The following DCAF10 variants were observed in gnomAD, a reference collection of about 807,000 sequenced individuals.
DCAF10 encodes DDB1- and CUL4-associated factor 10.
In DCAF10, 19 loss-of-function variants were observed where a neutral mutation model predicts 51.9. That is an observed-to-expected ratio of 0.37 (90% CI 0.26 to 0.54). The LOEUF (loss-of-function observed/expected upper bound fraction) is 0.54. Ranked by LOEUF, DCAF10 falls within the 20% of genes least tolerant of loss-of-function variation. DCAF10 has a pLI of 0.87. For missense variants in DCAF10, 510 were observed against 730.6 expected, an observed-to-expected ratio of 0.70 and a Z score of 3.48; for synonymous variants, 291 against 297.1, an observed-to-expected ratio of 0.98 and a Z score of 0.21.
chr9:37,844,374 C>G (rs76937554), intron 3 of DCAF10, among the ~76,000 whole-genome samples: 1 of 151,816 alleles, frequency 6.6e-6, no homozygotes, highest in Non-Finnish European at 1.5e-5. Context: ...AATTAGGCCA[C>G]GTGTGGTGGC....
At position 37,864,772 on chromosome 9, in the gene DCAF10, T is replaced by C. The variant is rs1020419070; in HGVS notation, c.*3264T>C. The C allele has an allele frequency of 1.3e-5, 2 of 152,090 alleles. No homozygotes were observed. Among genetic ancestry groups the C allele is most frequent in the Admixed American group, 6.6e-5 (1 of 15,262 alleles). The allele number at this position is 152,090 out of a possible 1,614,324, so 9.4% of individuals were successfully genotyped here. On this transcript the variant is annotated 3_prime_UTR_variant, in exon 7 of 7. Transcript: ENST00000377724. The stretch of plus-strand genomic sequence containing the variant: ...GACCAGCAAGTTACCCAACTCAAAA[T>C]TCAGCCAATGATTCTTTACTATAGA...
intron 1 of DCAF10, among the ~76,000 whole-genome samples, chr9:37,809,273 T>C (rs1379092879): frequency 6.6e-6 from 1 of 151,952 alleles, no homozygotes; most frequent in Non-Finnish European, 1.5e-5. Flanking sequence ...AGGAAAATTA[T>C]AGTCTTTAAT....
chr9:37,854,282 T>A (rs921322604), intron 3 of DCAF10, among the ~76,000 whole-genome samples: 1 of 152,132 alleles, frequency 6.6e-6, no homozygotes, highest in South Asian at 2.1e-4. Context: ...TTTAATTTTT[T>A]AAATTTTTGT....
At chr9:37,830,451 T>A (rs1424028302) in intron 2 of DCAF10, among the ~76,000 whole-genome samples, 2 of 152,186 alleles carry the variant, frequency 1.3e-5, no homozygotes, top group Admixed American at 6.6e-5. Context: ...TATAAAGTGT[T>A]TATGGTTACA....
At position 37,861,250 on chromosome 9, in the gene DCAF10, C is replaced by T. The variant is rs1298918621; in HGVS notation, c.1422C>T (p.Tyr474=). 1 of 1,614,172 alleles carries T rather than the reference C, an allele frequency of 6.2e-7. No individual in the cohort carries two copies. Among genetic ancestry groups the T allele is most frequent in the Admixed American group, 1.7e-5 (1 of 60,024 alleles). ...AAGAAGCCAATGTAGGCAGGGGTTA[C>T]ATCAAAGAACTTTGCTTCAGCCCCG... ...YIEEANVGRG[Y]IKELCFSPDG... is the part of the protein sequence containing the mutation. Residue 474 remains tyrosine, a synonymous_variant, in exon 7 of 7, where the codon TAC becomes TAT. Transcript: ENST00000377724. This position sits in a 1 kb window ranked among gnomAD's most constrained non-coding sequence, Gnocchi z 4.9.
At position 37,801,175 on chromosome 9, in the gene DCAF10, G is replaced by T. The variant is rs929405295; in HGVS notation, c.309G>T (p.Arg103Ser). The change falls in exon 1 of 7, where the codon AGG (arginine) becomes AGT (serine). Residue 103 changes from arginine (R) to serine (S), a missense_variant. Coordinates refer to ENST00000377724, the MANE Select transcript of DCAF10 (RefSeq NM_024345.5). The surrounding 1 kb of genome is among the most constrained non-coding windows in gnomAD (Gnocchi z 5.5). ...PPCRRPGPDCRAKSRGRHGLG... is the reference protein window; with the variant it reads ...PPCRRPGPDCSAKSRGRHGLG... ...GCCGGCGGCCCGGGCCAGACTGCAG[G>T]GCCAAGAGCCGGGGCCGACACGGCC... 12 of 1,540,318 alleles carry T rather than the reference G, an allele frequency of 7.8e-6. No individual in the cohort carries two copies. Among genetic ancestry groups the T allele is most frequent in the Non-Finnish European group, 9.6e-6 (11 of 1,145,198 alleles).
intron 1 of DCAF10, among the ~76,000 whole-genome samples, chr9:37,803,530 A>T (rs1050806127): frequency 6.6e-6 from 1 of 151,704 alleles, no homozygotes; most frequent in Non-Finnish European, 1.5e-5. Flanking sequence ...CTATATTCTG[A>T]TTCCTACATT....
chr9:37,861,221 A>C lies in DCAF10; in HGVS notation c.1393A>C (p.Ile465Leu). The C allele has an allele frequency of 6.2e-7, 1 of 1,614,074 alleles. No homozygotes were observed. Among genetic ancestry groups the C allele is most frequent in the East Asian group, 2.2e-5 (1 of 44,880 alleles). The change falls in exon 7 of 7, where the codon ATT becomes CTT. Residue 465 changes from isoleucine (I) to leucine (L), a missense_variant. Ile to Leu is a conservative substitution (Grantham distance 5). Transcript: ENST00000377724. This position sits in a 1 kb window ranked among gnomAD's most constrained non-coding sequence, Gnocchi z 4.9. ...CTGTTCTCTACGACTGACTCATTAC[A>C]TTGAAGAAGCCAATGTAGGCAGGGG... ...PRCSLRLTHY[I>L]EEANVGRGYI...
chr9:37,807,331 A>C (rs1456357928), intron 1 of DCAF10, among the ~76,000 whole-genome samples: 1 of 152,162 alleles, frequency 6.6e-6, no homozygotes, highest in Non-Finnish European at 1.5e-5. Context: ...AATTTTAAAA[A>C]GTGTGATTTT....
At chr9:37,800,671 G>A, upstream of DCAF10, 8 of 1,535,912 alleles carry the variant, frequency 5.2e-6, no homozygotes, top group Middle Eastern at 5.0e-4. Flanking sequence ...CCCTACCTCC[G>A]TTCCCGGGAC....
intron 3 of DCAF10, among the ~76,000 whole-genome samples, chr9:37,851,419 A>T (rs1323873377): frequency 6.6e-6 from 1 of 151,764 alleles, no homozygotes; most frequent in Non-Finnish European, 1.5e-5. Flanking sequence ...GGCTCAAGTG[A>T]TCGTCCCACC....
rs1017588322 is a variant in DCAF10, at chr9:37,836,176, A to G, written c.654-5913A>G. On this transcript the variant is annotated intron_variant, in intron 2 of 6. Coordinates refer to ENST00000377724, the MANE Select transcript of DCAF10 (RefSeq NM_024345.5). ...CTTCTCATATCAGTGCATATTTATA[A>G]GAAGCACGGAGTTCAGTATGAAATG... The G allele has an allele frequency of 1.5e-5, 21 of 1,444,730 alleles. No individual in the cohort carries two copies. The African/African-American group carries it at 2.2e-4, about 15-fold the overall frequency. 89.5% of individuals were successfully genotyped at this position (1,444,730 alleles called of 1,614,324 possible).
intron 2 of DCAF10, among the ~76,000 whole-genome samples, chr9:37,819,645 A>G (rs1483231529): frequency 6.6e-6 from 1 of 152,174 alleles, no homozygotes; most frequent in Non-Finnish European, 1.5e-5. Flanking sequence ...CTTTTCATAT[A>G]TTAGGGTCAT....
At position 37,800,905 on chromosome 9, in the gene DCAF10, A is replaced by G. The variant is rs923187988; in HGVS notation, c.39A>G (p.Gly13=). The stretch of plus-strand genomic sequence containing the variant: ...GGCCCCATAGCCCTGGAGGGGACGG[A>G]TCGGCCGGAGCCGGGGCTGAGGAGC... ...PFGPHSPGGD[G]SAGAGAEEPT... The change falls in exon 1 of 7, where the codon GGA becomes GGG. Residue 13 remains glycine, a synonymous_variant. Transcript: ENST00000377724. The G allele has an allele frequency of 3.3e-6, 5 of 1,496,546 alleles. No homozygotes were observed. The African/African-American group carries it at 7.1e-5, about 21-fold the overall frequency. 92.7% of individuals were successfully genotyped at this position (1,496,546 alleles called of 1,614,324 possible).
intron 1 of DCAF10, among the ~76,000 whole-genome samples, chr9:37,814,101 TATATATATATATATATATATATATA>T (rs1829442161): frequency 3.1e-5 from 3 of 98,060 alleles, no homozygotes; most frequent in African/African-American, 4.6e-5. Flanking sequence ...TATATATATA[TATATATATATATATATATATATATA>T]TTTGTTGTTG....
chr9:37,861,483 T>C lies in DCAF10; in HGVS notation c.1655T>C (p.Val552Ala). ...GCCTCAGGGTGCCTTAGTGGACGGG[T>C]TTCTTTGTATCAGCCAAAGTTTTAG... is the stretch of plus-strand genomic sequence containing the variant. ...QIASGCLSGR[V>A]SLYQPKF is the part of the protein sequence containing the mutation. Residue 552 changes from valine to alanine, a missense_variant, in exon 7 of 7, where the codon GTT becomes GCT. Val to Ala is a moderately conservative substitution (Grantham distance 64). This residue lies in a region of DCAF10 where 104 missense variants were observed against 206.2 expected (regional missense o/e 0.50). Coordinates refer to ENST00000377724, the MANE Select transcript of DCAF10 (RefSeq NM_024345.5). This position sits in a 1 kb window ranked among gnomAD's most constrained non-coding sequence, Gnocchi z 4.9. The C allele has an allele frequency of 6.2e-7, 1 of 1,609,774 alleles. No homozygotes were observed. Among genetic ancestry groups the C allele is most frequent in the Non-Finnish European group, 8.5e-7 (1 of 1,176,282 alleles).
intron 3 of DCAF10, 28 bp from the exon 4 acceptor site, chr9:37,854,752 G>A: frequency 6.3e-7 from 1 of 1,590,682 alleles, no homozygotes. Flanking sequence ...GATAACTCTA[G>A]ATTTTGTTGG....
chr9:37,809,362 A>C (rs1347586477), intron 1 of DCAF10, among the ~76,000 whole-genome samples: 2 of 151,556 alleles, frequency 1.3e-5, no homozygotes, highest in Non-Finnish European at 1.5e-5. Flanking sequence ...ATAATAGGAA[A>C]ATCAATCTAA....
chr9:37,853,668 G>A (rs894691398), intron 3 of DCAF10, among the ~76,000 whole-genome samples: 10 of 152,012 alleles, frequency 6.6e-5, no homozygotes, highest in Non-Finnish European at 8.8e-5. Context: ...GTGCAGTGGC[G>A]CAATCATGGC....
Sources: allele counts gnomAD v4.1 joint callset (sites outside exome capture counted in the v4.1 genomes callset), GRCh38; gene constraint gnomAD v4.1.1; regional missense constraint gnomAD v4.1.1; non-coding constraint Gnocchi (gnomAD v3.1); transcripts MANE v1.5; gene names NCBI Gene and HGNC (gene_info 2026-07-23, HGNC 2026-07-21).